The following RERE variants were observed in gnomAD, a reference collection of about 807,000 sequenced individuals.
RERE encodes arginine-glutamic acid dipeptide repeats.
In RERE, 40 loss-of-function variants were observed where a neutral mutation model predicts 146.1. That is an observed-to-expected ratio of 0.27 (90% CI 0.21 to 0.36). The LOEUF (loss-of-function observed/expected upper bound fraction) is 0.36. Among genes scored for constraint, RERE ranks in the 10% least tolerant of loss-of-function variants. The pLI, the probability that RERE is intolerant of heterozygous loss-of-function variation, is 1.00. For synonymous variants in RERE, 1,003 were observed against 866.0 expected, an observed-to-expected ratio of 1.16 and a Z score of -2.78; for missense variants, 1,933 against 2,138.7, an observed-to-expected ratio of 0.90 and a Z score of 1.90.
At chr1:8,786,358 T>A in intron 1 of RERE, 1 of 847,602 alleles carries the variant, frequency 1.2e-6, no homozygotes, top group South Asian at 1.3e-5. Flanking sequence ...TCCAACAGTA[T>A]AGATGTCATG....
chr1:8,724,877 A>AAAAAAAAAC (rs1379254837), intron 1 of RERE, among the ~76,000 whole-genome samples: 1 of 150,172 alleles, frequency 6.7e-6, no homozygotes, highest in Non-Finnish European at 1.5e-5. Flanking sequence ...ATACTTTGTA[A>AAAAAAAAAC]AAAAAAAAAA....
intron 2 of RERE, among the ~76,000 whole-genome samples, chr1:8,631,369 TC>T (rs1647033314): frequency 6.6e-6 from 1 of 152,106 alleles, no homozygotes; most frequent in Admixed American, 6.5e-5. Context: ...ACCACTACAC[TC>T]CAGCCTGGGT....
chr1:8,668,922 C>CTGTGTGTG (rs1491114623), intron 1 of RERE, among the ~76,000 whole-genome samples: 1 of 76,990 alleles, frequency 1.3e-5, no homozygotes, highest in African/African-American at 5.7e-5. Context: ...ATGCACTAAA[C>CTGTGTGTG]TCTGTGTGTG....
intron 11 of RERE, among the ~76,000 whole-genome samples, chr1:8,441,278 G>T (rs987220022): frequency 2.0e-5 from 3 of 152,152 alleles, no homozygotes; most frequent in African/African-American, 7.2e-5. Context: ...GGACACAAAA[G>T]ACATTTTTTT....
intron 4 of RERE, among the ~76,000 whole-genome samples, chr1:8,591,827 C>T (rs1646497907): frequency 6.6e-6 from 1 of 152,228 alleles, no homozygotes; most frequent in African/African-American, 2.4e-5. Context: ...TTGTGAAACA[C>T]ATCTAACGTA....
In RERE at chr1:8,674,129, C is replaced by A. The variant is rs190167204; in HGVS notation, c.-144-17688G>T. On this transcript the variant is annotated intron_variant, in intron 1 of 22. Coordinates refer to ENST00000400908, the MANE Select transcript of RERE (RefSeq NM_001042681.2). ...GCTCCCATTTATAACAAAACATACCCAAATTAAATCTATAGCAAATGTAAA... is the reference window on the plus strand; with the variant it reads ...GCTCCCATTTATAACAAAACATACCAAAATTAAATCTATAGCAAATGTAAA... Among the ~76,000 whole-genome samples, 1,187 of 152,054 alleles carry A rather than the reference C, an allele frequency of 7.8e-3. 7 individuals are homozygous for A. Among genetic ancestry groups the A allele is most frequent in the Non-Finnish European group, 0.013 (865 of 67,972 alleles).
At chr1:8,745,222 T>C (rs926694424) in intron 1 of RERE, among the ~76,000 whole-genome samples, 5 of 152,170 alleles carry the variant, frequency 3.3e-5, no homozygotes, top group African/African-American at 9.7e-5. Context: ...GAGGGATTTA[T>C]AAGGGGCTCT....
chr1:8,816,650 A>G (rs1242688158), intron 1 of RERE, among the ~76,000 whole-genome samples: 1 of 152,224 alleles, frequency 6.6e-6, no homozygotes, highest in African/African-American at 2.4e-5. Context: ...CAGGATAGTA[A>G]GAATTCTATT....
chr1:8,715,346 T>A (rs1267895753), intron 1 of RERE, among the ~76,000 whole-genome samples: 1 of 151,140 alleles, frequency 6.6e-6, no homozygotes, highest in Non-Finnish European at 1.5e-5. Context: ...ACCCCGTCTC[T>A]ACTAAAAACA....
At chr1:8,440,872 C>T (rs967617554) in intron 11 of RERE, among the ~76,000 whole-genome samples, 4 of 150,572 alleles carry the variant, frequency 2.7e-5, no homozygotes, top group East Asian at 1.9e-4. Context: ...ACTCCAGCCT[C>T]GGTGACAGAG....
intron 12 of RERE, among the ~76,000 whole-genome samples, chr1:8,395,155 A>C (rs934521955): frequency 1.1e-4 from 16 of 152,154 alleles, no homozygotes; most frequent in Admixed American, 6.5e-4. Flanking sequence ...AAGTACAAAG[A>C]AACTAAAAAT....
At chr1:8,816,449 T>G (rs1394581799) in intron 1 of RERE, among the ~76,000 whole-genome samples, 1 of 152,126 alleles carries the variant, frequency 6.6e-6, no homozygotes, top group Non-Finnish European at 1.5e-5. Context: ...AAAATGACAA[T>G]TCAACAATGA....
At chr1:8,543,130 T>C (rs977058278) in intron 6 of RERE, among the ~76,000 whole-genome samples, 17 of 152,200 alleles carry the variant, frequency 1.1e-4, no homozygotes, top group Non-Finnish European at 1.5e-4. Context: ...TATTCATACC[T>C]ACTATTTGTA....
At chr1:8,750,049 G>A (rs1157547869) in intron 1 of RERE, among the ~76,000 whole-genome samples, 1 of 149,550 alleles carries the variant, frequency 6.7e-6, no homozygotes. Flanking sequence ...CTACCCGGGA[G>A]GCTAAGACAT....
intron 10 of RERE, among the ~76,000 whole-genome samples, chr1:8,482,681 C>CAAAAAAAAAAAAAAAAAAAA: frequency 2.0e-5 from 1 of 51,212 alleles, no homozygotes; most frequent in Non-Finnish European, 4.4e-5. Context: ...GATTCTGTTG[C>CAAAAAAAAAAAAAAAAAAAA]AAAAAAAAAA....
At chr1:8,668,805 G>A (rs4908505) in intron 1 of RERE, among the ~76,000 whole-genome samples, 88,727 of 151,922 alleles carry the variant, frequency 0.58, 26,447 homozygotes, top group East Asian at 0.83. Context: ...GGGTTGCAAG[G>A]GTAAATACAG....
intron 4 of RERE, among the ~76,000 whole-genome samples, chr1:8,573,998 G>T (rs2124004851): frequency 6.6e-6 from 1 of 151,778 alleles, no homozygotes; most frequent in East Asian, 1.9e-4. Context: ...TAGAGATGGG[G>T]TTTCACCATG....
intron 11 of RERE, among the ~76,000 whole-genome samples, chr1:8,449,144 G>A (rs1041154671): frequency 2.0e-5 from 3 of 152,176 alleles, no homozygotes; most frequent in Admixed American, 1.3e-4. Context: ...AATGGCTAAC[G>A]GCAGGCAGAA....
rs71580028 is a variant in RERE at position 8,470,813 on chromosome 1, C to CTTTTTTTTTT, written c.1105-4800_1105-4791dup. On this transcript the variant is annotated intron_variant, in intron 10 of 22. Coordinates refer to ENST00000400908, the MANE Select transcript of RERE (RefSeq NM_001042681.2). The stretch of plus-strand genomic sequence containing the variant: ...TTCTGAGACATCTTTAAAGAAATAC[C>CTTTTTTTTTT]TTTTTTTTTTTTTTTTTTTTTTTTG... Among the ~76,000 whole-genome samples, 13 of 74,566 alleles carry CTTTTTTTTTT rather than the reference C, an allele frequency of 1.7e-4. 2 individuals carry two copies. Among genetic ancestry groups the CTTTTTTTTTT allele is most frequent in the Non-Finnish European group, 2.3e-4 (10 of 43,526 alleles). 48.9% of individuals were successfully genotyped at this position (74,566 alleles called of 152,430 possible). A position where few individuals can be genotyped will look rare whatever the true frequency, so the allele number is the denominator to read the frequency against.
Sources: gnomAD v4.1 joint callset for allele counts (sites outside exome capture counted in the v4.1 genomes callset) on GRCh38, gnomAD v4.1.1 for gene constraint, MANE v1.5 for transcripts, NCBI Gene and HGNC (gene_info 2026-07-23, HGNC 2026-07-21) for gene names.